Variants in TESMIN observed in about 807,000 individuals in gnomAD.
The protein encoded by TESMIN is testis expressed metallothionein like protein, also known as CXC domain containing 2.
TESMIN carries 34 observed loss-of-function variants against 47.4 expected under a neutral mutation model. The observed-to-expected ratio is 0.72, with a 90% CI of 0.55 to 0.96. The LOEUF is 0.96. Ranked by LOEUF, TESMIN falls within the 40% of genes least tolerant of loss-of-function variation. The pLI, the probability that TESMIN is intolerant of heterozygous loss-of-function variation, is 0.00. For synonymous variants in TESMIN, 278 were observed against 258.9 expected, an observed-to-expected ratio of 1.07 and a Z score of -0.71; for missense variants, 610 against 637.2, an observed-to-expected ratio of 0.96 and a Z score of 0.46.
chr11:68,722,684 C>A (rs961298790), intron 6 of TESMIN, among the ~76,000 whole-genome samples: 2 of 152,130 alleles, frequency 1.3e-5, no homozygotes, highest in Admixed American at 1.3e-4. Context: ...AACAAAACTG[C>A]CACACAGAAA....
chr11:68,750,208 C>T lies in TESMIN; in HGVS notation c.453G>A (p.Pro151=). The T allele has an allele frequency of 2.0e-6, 3 of 1,493,536 alleles. No homozygotes were observed. The highest frequency in any genetic ancestry group is 1.8e-6 in the Non-Finnish European group (2 of 1,133,920). 92.5% of individuals were successfully genotyped at this position (1,493,536 alleles called of 1,614,324 possible). Residue 151 remains proline (P), a synonymous_variant, in exon 2 of 10, where the codon CCG becomes CCA. Coordinates refer to ENST00000255087, the MANE Select transcript of TESMIN (RefSeq NM_004923.3). ...GAWVLEGASH[P]GVRMIPVEIK... is the part of the protein sequence containing the mutation. The stretch of plus-strand genomic sequence containing the variant: ...TTCTTACTGGGATCATGCGGACGCC[C>T]GGGTGGGAGGCTCCTTCCAGGACCC...
Position 68,713,309 on chromosome 11 carries a change from C to T in TESMIN, c.1119G>A (p.Arg373=), listed in dbSNP as rs747094643. 72 of 1,614,056 alleles carry T rather than the reference C, an allele frequency of 4.5e-5. 1 individual carries two copies. In the South Asian group the frequency reaches 7.8e-4, roughly 17 times the overall value. The stretch of plus-strand genomic sequence containing the variant: ...AGTAATTCTTCAGGCAGCCTGACCT[C>T]CTGCAGTTGCACCCTTTGTTGTGCT... The part of the protein sequence containing the change: ...KPQHNKGCNC[R]RSGCLKNYCE... The change falls in exon 8 of 10, where the codon AGG becomes AGA. Residue 373 remains arginine, a synonymous_variant. Transcript: ENST00000255087.
intron 8 of TESMIN, among the ~76,000 whole-genome samples, chr11:68,711,886 C>CCT (rs1299599809): frequency 6.6e-6 from 1 of 152,232 alleles, no homozygotes; most frequent in Non-Finnish European, 1.5e-5. Flanking sequence ...CCTCTTGCCC[C>CCT]CTCATGCCAA....
chr11:68,711,032 A>T lies in TESMIN; in HGVS notation c.1176T>A (p.Ser392=). The part of the protein sequence containing the change: ...CECYEAQIMC[S]SICKCIGCKN... ...TGCAACCAATGCATTTGCAAATAGAAGAACACATAATTTGGGCCTGGTAAT... is the reference window on the plus strand; with the variant it reads ...TGCAACCAATGCATTTGCAAATAGATGAACACATAATTTGGGCCTGGTAAT... The change falls in exon 9 of 10, where the codon TCT becomes TCA. Residue 392 remains serine (S), a synonymous_variant. Transcript: ENST00000255087. 6.2e-7 allele frequency: 1 copy of T among 1,609,220 alleles called. No individual in the cohort carries two copies. The highest frequency in any genetic ancestry group is 1.1e-5 in the South Asian group (1 of 89,474).
rs765839769 is a variant in TESMIN, at chr11:68,747,381, T to C, written c.472-15A>G. 1.2e-6 allele frequency: 2 copies of C among 1,605,376 alleles called. No individual in the cohort carries two copies. Among genetic ancestry groups the C allele is most frequent in the East Asian group, 2.2e-5 (1 of 44,758 alleles). On this transcript the variant is annotated splice_polypyrimidine_tract_variant and intron_variant, in intron 2 of 9. Coordinates refer to ENST00000255087, the MANE Select transcript of TESMIN (RefSeq NM_004923.3). Reference sequence around the variant, plus strand: ...TTGATTTCAACCTAGAAAAAAGCAATAATTATTTTAGAGAACACATGGTGG... The same window carrying C: ...TTGATTTCAACCTAGAAAAAAGCAACAATTATTTTAGAGAACACATGGTGG...
chr11:68,713,305 A>G lies in TESMIN; in HGVS notation c.1123T>C (p.Ser375Pro). Reference protein sequence around the residue: ...QHNKGCNCRRSGCLKNYCECY... With the variant: ...QHNKGCNCRRPGCLKNYCECY... Reference sequence around the variant, plus strand: ...TCGCAGTAATTCTTCAGGCAGCCTGACCTCCTGCAGTTGCACCCTTTGTTG... The same window carrying G: ...TCGCAGTAATTCTTCAGGCAGCCTGGCCTCCTGCAGTTGCACCCTTTGTTG... The change falls in exon 8 of 10, where the codon TCA becomes CCA. Residue 375 changes from serine to proline, a missense_variant. By Grantham distance (74) the Ser-to-Pro change is moderately conservative. Coordinates refer to ENST00000255087, the MANE Select transcript of TESMIN (RefSeq NM_004923.3). The G allele has an allele frequency of 1.2e-6, 2 of 1,613,562 alleles. No individual in the cohort carries two copies. Among genetic ancestry groups the G allele is most frequent in the Admixed American group, 3.3e-5 (2 of 59,946 alleles).
chr11:68,722,839 TGATGGAA>T (rs1946218643), intron 6 of TESMIN, among the ~76,000 whole-genome samples: 1 of 152,190 alleles, frequency 6.6e-6, no homozygotes, highest in Non-Finnish European at 1.5e-5. Context: ...CATTAACAAC[TGATGGAA>T]TAATTCACCA....
Position 68,736,085 on chromosome 11 carries a change from C to T in TESMIN, c.917+2615G>A. 7.1e-6 allele frequency: 7 copies of T among 985,298 alleles called. No homozygotes were observed. The South Asian group carries it at 3.3e-4, about 46-fold the overall frequency. The allele number at this position is 985,298 out of a possible 1,614,324, so 61.0% of individuals were successfully genotyped here. On this transcript the variant is annotated intron_variant, in intron 6 of 9. Transcript: ENST00000255087. ...GAAAAGCATTCTAAACAAACTACACCACAACAAGATAACCTCATCTTTAGG... is the reference window on the plus strand; with the variant it reads ...GAAAAGCATTCTAAACAAACTACACTACAACAAGATAACCTCATCTTTAGG...
intron 5 of TESMIN, 128 bp from the exon 6 acceptor site, chr11:68,738,916 A>T (rs1946423843): frequency 1.3e-6 from 1 of 748,250 alleles, no homozygotes. Context: ...CTTTATAACC[A>T]TGTCTGGCCT....
chr11:68,711,442 A>AGT (rs55864019), intron 8 of TESMIN, among the ~76,000 whole-genome samples: 2,573 of 150,294 alleles, frequency 0.017, 65 homozygotes, highest in African/African-American at 0.059. Flanking sequence ...TGCGTTTGAG[A>AGT]GTGTGTGTGT....
In TESMIN at chr11:68,750,562, G is replaced by T; in HGVS notation, c.99C>A (p.Ile33=). 1 of 1,607,784 alleles carries T rather than the reference G, an allele frequency of 6.2e-7. No individual in the cohort carries two copies. The highest frequency in any genetic ancestry group is 8.5e-7 in the Non-Finnish European group (1 of 1,177,944). ...CGTACTTCACGGGGGCCTTCAGGCC[G>T]ATGTTCTCCGAAGCGAACGGACCCT... ...SPEGPFASEN[I]GLKAPVKYEE... The change falls in exon 2 of 10, where the codon ATC becomes ATA. Residue 33 remains isoleucine (I), a synonymous_variant. Transcript: ENST00000255087.
At chr11:68,716,381 G>A (rs1946139713) in intron 6 of TESMIN, among the ~76,000 whole-genome samples, 1 of 152,208 alleles carries the variant, frequency 6.6e-6, no homozygotes, top group Non-Finnish European at 1.5e-5. Context: ...CCTTGACTTT[G>A]AGTGAAAACT....
intron 6 of TESMIN, among the ~76,000 whole-genome samples, chr11:68,728,701 G>A (rs1004510010): frequency 1.3e-5 from 2 of 152,224 alleles, no homozygotes; most frequent in African/African-American, 4.8e-5. Context: ...GGGATATGGT[G>A]CAGTTGGTGA....
At chr11:68,748,113 G>A (rs1946544963) in intron 2 of TESMIN, among the ~76,000 whole-genome samples, 1 of 152,200 alleles carries the variant, frequency 6.6e-6, no homozygotes, top group Non-Finnish European at 1.5e-5. Flanking sequence ...AAGGCCAGGA[G>A]GCAGGCCACA....
Position 68,730,796 on chromosome 11 carries a change from C to CA in TESMIN, c.917+7903dup, listed in dbSNP as rs111323065. Among the ~76,000 whole-genome samples the CA allele has an allele frequency of 9.8e-3, 952 of 96,816 alleles. 4 individuals are homozygous for CA. Among genetic ancestry groups the CA allele is most frequent in the African/African-American group, 0.014 (424 of 29,712 alleles). 63.5% of individuals were successfully genotyped at this position (96,816 alleles called of 152,430 possible). On this transcript the variant is annotated intron_variant, in intron 6 of 9. Transcript: ENST00000255087. ...GGCCGACAACAGCCAGACTTTGTCT[C>CA]AAAAAAAAAAAAAAAAAATTTAAAA...
intron 6 of TESMIN, among the ~76,000 whole-genome samples, chr11:68,718,947 C>T (rs1454294264): frequency 6.6e-6 from 1 of 152,230 alleles, no homozygotes; most frequent in Non-Finnish European, 1.5e-5. Flanking sequence ...AATTACATCC[C>T]ATGTACTCTT....
chr11:68,750,548 G>C lies in TESMIN; in HGVS notation c.113C>G (p.Pro38Arg). The change falls in exon 2 of 10, where the codon CCC becomes CGC. Residue 38 changes from proline to arginine, a missense_variant. Physicochemically the swap from Pro to Arg is moderately radical, Grantham distance 103. Coordinates refer to ENST00000255087, the MANE Select transcript of TESMIN (RefSeq NM_004923.3). ...FASENIGLKA[P>R]VKYEEDEFHV... is the part of the protein sequence containing the mutation. The stretch of plus-strand genomic sequence containing the variant: ...GAACTCGTCCTCCTCGTACTTCACG[G>C]GGGCCTTCAGGCCGATGTTCTCCGA... 6.2e-7 allele frequency: 1 copy of C among 1,606,830 alleles called. No homozygotes were observed.
intron 6 of TESMIN, among the ~76,000 whole-genome samples, chr11:68,729,554 T>C (rs913149762): frequency 2.8e-4 from 43 of 151,296 alleles, no homozygotes; most frequent in African/African-American, 1.0e-3. Flanking sequence ...ATTTCAACCC[T>C]CATGGATGGC....
chr11:68,750,784 CAGCCAAGG>C (rs1946589005), intron 1 of TESMIN, 85 bp from the exon 2 acceptor site: 2 of 170,554 alleles, frequency 1.2e-5, no homozygotes, highest in African/African-American at 1.0e-4. Context: ...AAGGGAGGGG[CAGCCAAGG>C]GAGGGGCGGC....
Sources: allele counts gnomAD v4.1 joint callset (sites outside exome capture counted in the v4.1 genomes callset), GRCh38; gene constraint gnomAD v4.1.1; transcripts MANE v1.5; gene names NCBI Gene and HGNC (gene_info 2026-07-23, HGNC 2026-07-21).